OLFM2: variants seen among roughly 807,000 people sequenced by gnomAD.
OLFM2 encodes the protein olfactomedin 2.
A neutral mutation model predicts 43.9 loss-of-function variants in OLFM2; 20 were observed. That is an observed-to-expected ratio of 0.46 (90% CI 0.32 to 0.66). The LOEUF (loss-of-function observed/expected upper bound fraction) is 0.66, where lower values mean the gene tolerates loss of function less well. OLFM2 is among the 30% of genes least tolerant of loss of function. The pLI, the probability that OLFM2 is intolerant of heterozygous loss-of-function variation, is 0.04. For missense variants in OLFM2, 416 were observed against 643.6 expected (o/e 0.65, Z 3.83); for synonymous variants, 268 against 278.6 (o/e 0.96, Z 0.38).
chr19:9,918,726 T>G (rs1167821644), intron 1 of OLFM2, among the ~76,000 whole-genome samples: 2 of 152,188 alleles, frequency 1.3e-5, no homozygotes, highest in African/African-American at 4.8e-5. Flanking sequence ...ATGTGGATGA[T>G]CCTCAAAAAC....
intron 1 of OLFM2, among the ~76,000 whole-genome samples, chr19:9,894,408 AT>A (rs2046664291): frequency 1.2e-4 from 11 of 91,830 alleles, no homozygotes; most frequent in African/African-American, 3.8e-4. Flanking sequence ...AATAATAATA[AT>A]AATAAATAAA....
chr19:9,925,188 C>T (rs965311475), intron 1 of OLFM2, among the ~76,000 whole-genome samples: 2 of 151,978 alleles, frequency 1.3e-5, no homozygotes, highest in Admixed American at 6.6e-5. Flanking sequence ...GTCCGGAAGG[C>T]GGAGGCTGCA....
intron 1 of OLFM2, chr19:9,913,748 G>A (rs2046849849): frequency 3.2e-6 from 3 of 934,154 alleles, no homozygotes; most frequent in Non-Finnish European, 2.6e-6. Context: ...GCGAGCTGCG[G>A]GGCAGGGGGT....
chr19:9,929,623 A>C (rs2145010879), intron 1 of OLFM2, among the ~76,000 whole-genome samples: 1 of 152,064 alleles, frequency 6.6e-6, no homozygotes, highest in South Asian at 2.1e-4. Flanking sequence ...AATAAAATAA[A>C]ATAAATGAAT....
rs1432701193 is a variant in OLFM2 at position 9,854,133 on chromosome 19, GGCCCCCA to G, written c.*46_*52del. 100 of 1,547,872 alleles carry G rather than the reference GGCCCCCA, an allele frequency of 6.5e-5. 1 individual carries two copies. In the East Asian group the frequency reaches 2.2e-3, roughly 35 times the overall value. ...TGAGGGACACAGGCAGAATGAAAAG[GGCCCCCA>G]GCCCCCAGAGGCCCCCCAGGCAGCA... is the stretch of plus-strand genomic sequence containing the variant. On this transcript the variant is annotated 3_prime_UTR_variant, in exon 6 of 6. Coordinates refer to ENST00000264833, the MANE Select transcript of OLFM2 (RefSeq NM_058164.4). The surrounding 1 kb of genome is among the most constrained non-coding windows in gnomAD (Gnocchi z 9.5).
Position 9,854,492 on chromosome 19 carries a change from G to A in OLFM2, c.1059C>T (p.His353=). 4 of 1,614,010 alleles carry A rather than the reference G, an allele frequency of 2.5e-6. No homozygotes were observed. The highest frequency in any genetic ancestry group is 3.4e-6 in the Non-Finnish European group (4 of 1,180,038). The change falls in exon 6 of 6, where the codon CAC becomes CAT. Residue 353 remains histidine, a synonymous_variant. Coordinates refer to ENST00000264833, the MANE Select transcript of OLFM2 (RefSeq NM_058164.4). The surrounding 1 kb of genome is among the most constrained non-coding windows in gnomAD (Gnocchi z 9.5). ...GNIVVSRLDP[H]TLEVMRSWDT... ...CCCAGGACCGCATGACCTCGAGGGT[G>A]TGCGGGTCCAGCCGGCTGACCACGA...
At chr19:9,883,158 G>A (rs555472919) in intron 1 of OLFM2, among the ~76,000 whole-genome samples, 9 of 149,976 alleles carry the variant, frequency 6.0e-5, no homozygotes, top group Non-Finnish European at 1.0e-4. Flanking sequence ...ACAGTGAGCC[G>A]AGATCGCACC....
chr19:9,881,193 G>A (rs8112553), intron 1 of OLFM2, among the ~76,000 whole-genome samples: 3,547 of 152,194 alleles, frequency 0.023, 135 homozygotes, highest in African/African-American at 0.081. Flanking sequence ...CACTGTGCCC[G>A]GCAACCCCAG....
chr19:9,860,161 A>C (rs2046356257), intron 2 of OLFM2, among the ~76,000 whole-genome samples: 2 of 151,552 alleles, frequency 1.3e-5, no homozygotes, highest in African/African-American at 4.9e-5. Flanking sequence ...GAAAAAAAAA[A>C]AAAATACATT....
Position 9,853,743 on chromosome 19 carries a change from C to A in OLFM2, c.*443G>T. 1 of 425,116 alleles carries A rather than the reference C, an allele frequency of 2.4e-6. No individual in the cohort carries two copies. The highest frequency in any genetic ancestry group is 4.1e-6 in the Non-Finnish European group (1 of 243,426). The allele number at this position is 425,116 out of a possible 1,614,324, so 26.3% of individuals were successfully genotyped here. ...TCAAATGTCAAAGGTCCTGTTTATT[C>A]CGGCAAACCGGAAAGAAAAAGTGTA... On this transcript the variant is annotated 3_prime_UTR_variant, in exon 6 of 6. Transcript: ENST00000264833.
At chr19:9,917,393 G>GA (rs1555728700) in intron 1 of OLFM2, among the ~76,000 whole-genome samples, 1 of 151,822 alleles carries the variant, frequency 6.6e-6, no homozygotes, top group Non-Finnish European at 1.5e-5. Context: ...GCCATGCCCT[G>GA]CCCTTCCCCC....
rs114216638 is a variant in OLFM2 at position 9,858,879 on chromosome 19, A to G, written c.214-1018T>C. ...GCTAAGGTGAACACCTGGCTAAGGT[A>G]GACTCCCACCTTGTTAAGGTAGACT... On this transcript the variant is annotated intron_variant, in intron 2 of 5. Coordinates refer to ENST00000264833, the MANE Select transcript of OLFM2 (RefSeq NM_058164.4). 5.9e-3 allele frequency among the ~76,000 whole-genome samples: 899 copies of G among 152,148 alleles called. 4 individuals are homozygous for G. The highest frequency in any genetic ancestry group is 0.021 in the African/African-American group (858 of 41,506).
intron 1 of OLFM2, among the ~76,000 whole-genome samples, chr19:9,868,631 C>T (rs538238290): frequency 8.5e-5 from 13 of 152,128 alleles, no homozygotes; most frequent in Admixed American, 3.9e-4. Context: ...CTACAATGAA[C>T]GTGTATTGTT....
chr19:9,891,416 G>A (rs1270702209), intron 1 of OLFM2, among the ~76,000 whole-genome samples: 1 of 151,382 alleles, frequency 6.6e-6, no homozygotes, highest in African/African-American at 2.4e-5. Context: ...CTTGAGGTCA[G>A]GAGTTCGAGA....
At chr19:9,885,256 G>A (rs1420782924) in intron 1 of OLFM2, among the ~76,000 whole-genome samples, 4 of 152,168 alleles carry the variant, frequency 2.6e-5, no homozygotes, top group African/African-American at 7.2e-5. Flanking sequence ...AGACTGGGAG[G>A]CAGAGGGCTG....
intron 1 of OLFM2, among the ~76,000 whole-genome samples, chr19:9,896,948 T>C (rs1248112801): frequency 2.6e-5 from 4 of 152,080 alleles, no homozygotes; most frequent in African/African-American, 9.7e-5. Context: ...TCCTAGCAGT[T>C]TGAAAGGCTG....
In OLFM2 at chr19:9,888,545, C is replaced by G. The variant is rs539404362; in HGVS notation, c.64-27751G>C. ...TCAAAAAAAAAAAACAAAAAACAAA[C>G]CTTCCCTGATCTCCCCTGGCCAGAA... On this transcript the variant is annotated intron_variant, in intron 1 of 5. Transcript: ENST00000264833. Among the ~76,000 whole-genome samples the G allele has an allele frequency of 6.6e-4, 96 of 144,584 alleles. No individual in the cohort carries two copies. The South Asian group carries it at 0.02, about 31-fold the overall frequency. 94.9% of individuals were successfully genotyped at this position (144,584 alleles called of 152,430 possible).
rs2046292475 is a variant in OLFM2 at position 9,854,059 on chromosome 19, A to C, written c.*127T>G. On this transcript the variant is annotated 3_prime_UTR_variant, in exon 6 of 6. Coordinates refer to ENST00000264833, the MANE Select transcript of OLFM2 (RefSeq NM_058164.4). The surrounding 1 kb of genome is among the most constrained non-coding windows in gnomAD (Gnocchi z 9.5). ...ATACATAGGCAGAGAACAAAAGCCC[A>C]GCAAAAAGGCGGGGAGAAAGGGCGT... 1 of 801,502 alleles carries C rather than the reference A, an allele frequency of 1.2e-6. No homozygotes were observed. Among genetic ancestry groups the C allele is most frequent in the South Asian group, 1.7e-5 (1 of 58,848 alleles). The allele number at this position is 801,502 out of a possible 1,614,324, so 49.6% of individuals were successfully genotyped here. A position where few individuals can be genotyped will look rare whatever the true frequency, so the allele number is the denominator to read the frequency against.
intron 1 of OLFM2, among the ~76,000 whole-genome samples, chr19:9,890,556 C>T (rs565861211): frequency 6.6e-6 from 1 of 152,350 alleles, no homozygotes; most frequent in East Asian, 1.9e-4. Flanking sequence ...TAGTTCTTTT[C>T]TCTTAGGCAC....
Sources: allele counts gnomAD v4.1 joint callset (sites outside exome capture counted in the v4.1 genomes callset), GRCh38; gene constraint gnomAD v4.1.1; non-coding constraint Gnocchi (gnomAD v3.1); transcripts MANE v1.5; gene names NCBI Gene and HGNC (gene_info 2026-07-23, HGNC 2026-07-21).